The following METTL9 variants were observed in gnomAD, a reference collection of about 807,000 sequenced individuals.
The protein encoded by METTL9 is methyltransferase 9, His-X-His N1(pi)-histidine.
A neutral mutation model predicts 36.0 loss-of-function variants in METTL9; 10 were observed. The ratio of observed to expected loss-of-function variants is 0.28; its 90% confidence interval spans 0.17 to 0.47. The LOEUF is 0.47. Among genes scored for constraint, METTL9 ranks in the 20% least tolerant of loss-of-function variants. METTL9 has a pLI of 0.99. For missense variants in METTL9, 246 were observed against 383.5 expected, an observed-to-expected ratio of 0.64 and a Z score of 3.00; for synonymous variants, 175 against 149.7, an observed-to-expected ratio of 1.17 and a Z score of -1.23.
intron 1 of METTL9, among the ~76,000 whole-genome samples, chr16:21,605,257 C>CCTTTTTTTTTTTTTTTTTTTTT (rs1965246523): frequency 5.9e-5 from 3 of 51,204 alleles, no homozygotes; most frequent in Non-Finnish European, 7.7e-5. Flanking sequence ...GGCTTGCCTT[C>CCTTTTTTTTTTTTTTTTTTTTT]TTTTTTTTTT....
intron 1 of METTL9, 85 bp from the exon 2 acceptor site, chr16:21,612,560 C>T: frequency 1.6e-6 from 2 of 1,274,332 alleles, no homozygotes; most frequent in South Asian, 3.6e-5. Context: ...GTGATTTAGT[C>T]TTCTGGTTTT....
At chr16:21,612,464 G>C (rs940503254) in intron 1 of METTL9, among the ~76,000 whole-genome samples, 181 bp from the exon 2 acceptor site, 3 of 152,008 alleles carry the variant, frequency 2.0e-5, no homozygotes, top group African/African-American at 7.3e-5. Context: ...GTCTGAAGAA[G>C]TACTTTATAT....
At chr16:21,652,369 T>C in intron 4 of METTL9, 1 of 492,834 alleles carries the variant, frequency 2.0e-6, no homozygotes, top group Non-Finnish European at 3.5e-6. Context: ...TATTTTTTTA[T>C]TGTCTATTTC....
At chr16:21,635,770 G>A (rs1423047373) in intron 4 of METTL9, among the ~76,000 whole-genome samples, 1 of 152,072 alleles carries the variant, frequency 6.6e-6, no homozygotes, top group Non-Finnish European at 1.5e-5. Context: ...AGACAAAACC[G>A]CCTGTGTTTT....
At chr16:21,650,768 G>A (rs1330788890) in intron 4 of METTL9, among the ~76,000 whole-genome samples, 1 of 152,116 alleles carries the variant, frequency 6.6e-6, no homozygotes, top group East Asian at 1.9e-4. Flanking sequence ...TAACAAAAAA[G>A]AGAAGTTTGG....
At position 21,627,022 on chromosome 16, in the gene METTL9, G is replaced by C; in HGVS notation, c.751+1907G>C. On this transcript the variant is annotated intron_variant, in intron 4 of 4. Coordinates refer to ENST00000358154, the MANE Select transcript of METTL9 (RefSeq NM_016025.5). Reference sequence around the variant, plus strand: ...TCCTTGATTGTGGATGTGCAGAGCTGCCTGTTGAGTCTGAGGAGTCTGGCA... The same window carrying C: ...TCCTTGATTGTGGATGTGCAGAGCTCCCTGTTGAGTCTGAGGAGTCTGGCA... 3.0e-6 allele frequency: 3 copies of C among 985,434 alleles called. No individual in the cohort carries two copies. The South Asian group carries it at 1.4e-4, about 46-fold the overall frequency. The allele number at this position is 985,434 out of a possible 1,614,324, so 61.0% of individuals were successfully genotyped here.
At chr16:21,631,603 A>C (rs1055669913) in intron 4 of METTL9, among the ~76,000 whole-genome samples, 15 of 152,184 alleles carry the variant, frequency 9.9e-5, no homozygotes, top group Non-Finnish European at 4.4e-5. Flanking sequence ...CCCGGGAGGA[A>C]CCATCTATCG....
At chr16:21,602,613 A>G (rs1006761966) in intron 1 of METTL9, among the ~76,000 whole-genome samples, 3 of 152,158 alleles carry the variant, frequency 2.0e-5, no homozygotes, top group South Asian at 2.1e-4. Context: ...TTTGTAATAC[A>G]TGAAGTTTCA....
At chr16:21,616,832 A>C (rs988419918) in intron 2 of METTL9, among the ~76,000 whole-genome samples, 1 of 150,930 alleles carries the variant, frequency 6.6e-6, no homozygotes, top group East Asian at 1.9e-4. Flanking sequence ...TTTTTTTCCT[A>C]TTTGGTTTCT....
chr16:21,623,733 A>G (rs1597757197), intron 3 of METTL9, among the ~76,000 whole-genome samples: 1 of 152,148 alleles, frequency 6.6e-6, no homozygotes, highest in East Asian at 1.9e-4. Flanking sequence ...TAATGTTAAT[A>G]GGATGTCCTG....
chr16:21,643,201 C>T (rs747389296), intron 4 of METTL9: 46 of 1,388,950 alleles, frequency 3.3e-5, no homozygotes, highest in Middle Eastern at 1.8e-4. Flanking sequence ...GGAATATAAG[C>T]GATGATAACG....
intron 4 of METTL9, among the ~76,000 whole-genome samples, chr16:21,628,655 A>G (rs1262802700): frequency 1.3e-5 from 2 of 151,552 alleles, no homozygotes; most frequent in African/African-American, 4.9e-5. Context: ...CACCACACCC[A>G]TCTAACTTTT....
intron 4 of METTL9, chr16:21,643,242 G>A (rs935045609): frequency 8.1e-6 from 8 of 989,634 alleles, no homozygotes; most frequent in Non-Finnish European, 1.3e-5. Flanking sequence ...TTGCTCTATT[G>A]CCACCGGTCC....
rs557861043 is a variant in METTL9, at chr16:21,656,548, A to G, written c.*1116A>G. 6 of 152,342 alleles carry G rather than the reference A, an allele frequency of 3.9e-5. No homozygotes were observed. Among genetic ancestry groups the G allele is most frequent in the African/African-American group, 9.6e-5 (4 of 41,580 alleles). The allele number at this position is 152,342 out of a possible 1,614,324, so 9.4% of individuals were successfully genotyped here. ...ATAGAGGAACCCATTAGCAAGATCAATAACCATCGTGGATATTCCAAAGAG... is the reference window on the plus strand; with the variant it reads ...ATAGAGGAACCCATTAGCAAGATCAGTAACCATCGTGGATATTCCAAAGAG... On this transcript the variant is annotated 3_prime_UTR_variant, in exon 5 of 5. Transcript: ENST00000358154.
intron 1 of METTL9, among the ~76,000 whole-genome samples, chr16:21,610,817 G>A (rs1282801435): frequency 6.6e-6 from 1 of 152,084 alleles, no homozygotes; most frequent in Non-Finnish European, 1.5e-5. Context: ...TTAATAAAAT[G>A]TACCTGATTG....
chr16:21,624,970 G>A lies in METTL9; in HGVS notation c.606G>A (p.Gln202=), dbSNP rs773508358. The change falls in exon 4 of 5, where the codon CAG becomes CAA. Residue 202 remains glutamine, a synonymous_variant. Transcript: ENST00000358154. ...ATGAATGGCAGAATACGGGGTTCCA[G>A]TATGATGTCATCAGCTGCCTGAACT... The part of the protein sequence containing the change: ...GINEWQNTGF[Q]YDVISCLNLL... The A allele has an allele frequency of 1.9e-6, 3 of 1,614,122 alleles. No individual in the cohort carries two copies. Among genetic ancestry groups the A allele is most frequent in the Admixed American group, 1.7e-5 (1 of 60,018 alleles).
intron 2 of METTL9, among the ~76,000 whole-genome samples, chr16:21,615,239 C>A (rs1965524166): frequency 6.6e-6 from 1 of 151,914 alleles, no homozygotes. Context: ...TTCTTTCTTT[C>A]TTTTTTGGAG....
At position 21,609,026 on chromosome 16, in the gene METTL9, T is replaced by C. The variant is rs190679374; in HGVS notation, c.166-3619T>C. On this transcript the variant is annotated intron_variant, in intron 1 of 4. Coordinates refer to ENST00000358154, the MANE Select transcript of METTL9 (RefSeq NM_016025.5). Reference sequence around the variant, plus strand: ...TCCCATTTATTCAGAAATTGCAAGGTGGTAAATGAAATGTAAAGCACATGG... The same window carrying C: ...TCCCATTTATTCAGAAATTGCAAGGCGGTAAATGAAATGTAAAGCACATGG... 2.0e-5 allele frequency among the ~76,000 whole-genome samples: 3 copies of C among 152,140 alleles called. No individual in the cohort carries two copies. In the East Asian group the frequency reaches 5.8e-4, roughly 29 times the overall value.
intron 1 of METTL9, among the ~76,000 whole-genome samples, chr16:21,606,050 G>C (rs765210404): frequency 6.6e-6 from 1 of 151,836 alleles, no homozygotes; most frequent in Non-Finnish European, 1.5e-5. Flanking sequence ...ATAGAACTTA[G>C]GAAAACACAG....
Sources: allele counts gnomAD v4.1 joint callset (sites outside exome capture counted in the v4.1 genomes callset), GRCh38; gene constraint gnomAD v4.1.1; transcripts MANE v1.5; gene names NCBI Gene and HGNC (gene_info 2026-07-23, HGNC 2026-07-21).